Variants in LUZP2 observed in about 807,000 individuals in gnomAD.
LUZP2 encodes the protein leucine zipper protein 2.
LUZP2 carries 52 observed loss-of-function variants against 51.6 expected under a neutral mutation model. The ratio of observed to expected loss-of-function variants is 1.01; its 90% CI spans 0.81 to 1.27. The LOEUF (loss-of-function observed/expected upper bound fraction) is 1.27, where lower values mean the gene tolerates loss of function less well. Ranked by LOEUF, LUZP2 falls within the 50% of genes most tolerant of loss-of-function variation. LUZP2 has a pLI of 0.00. For synonymous variants in LUZP2, 154 were observed against 137.3 expected, an observed-to-expected ratio of 1.12 and a Z score of -0.85; for missense variants, 436 against 395.4, an observed-to-expected ratio of 1.10 and a Z score of -0.87.
At chr11:24,556,338 G>A (rs559567902) in intron 1 of LUZP2, among the ~76,000 whole-genome samples, 4 of 152,214 alleles carry the variant, frequency 2.6e-5, no homozygotes, top group Non-Finnish European at 4.4e-5. Context: ...GTAAAACTGT[G>A]TCATAAAGGA....
intron 9 of LUZP2, among the ~76,000 whole-genome samples, chr11:25,000,643 G>A (rs1455189465): frequency 1.3e-5 from 2 of 152,192 alleles, no homozygotes; most frequent in Admixed American, 1.3e-4. Flanking sequence ...CAACTCCAGA[G>A]GTTGGTATAA....
At chr11:24,988,086 C>G (rs1856237844) in intron 9 of LUZP2, among the ~76,000 whole-genome samples, 1 of 152,076 alleles carries the variant, frequency 6.6e-6, no homozygotes, top group East Asian at 1.9e-4. Flanking sequence ...CTCTCTACTT[C>G]TCTGCTTCTA....
intron 1 of LUZP2, among the ~76,000 whole-genome samples, chr11:24,601,166 A>C (rs1162225127): frequency 1.3e-5 from 2 of 152,060 alleles, no homozygotes; most frequent in African/African-American, 4.8e-5. Flanking sequence ...GAGGGGTACA[A>C]ATATCAAAGA....
At chr11:24,613,451 G>A (rs1294778966) in intron 1 of LUZP2, among the ~76,000 whole-genome samples, 1 of 151,900 alleles carries the variant, frequency 6.6e-6, no homozygotes, top group African/African-American at 2.4e-5. Flanking sequence ...ACAAAATAAT[G>A]AGCATATGTA....
At chr11:24,812,126 T>C (rs1031053573) in intron 5 of LUZP2, among the ~76,000 whole-genome samples, 1 of 152,194 alleles carries the variant, frequency 6.6e-6, no homozygotes, top group African/African-American at 2.4e-5. Flanking sequence ...ACCGTTTCCC[T>C]ATGGCATTTG....
At chr11:24,582,828 T>C (rs1852919261) in intron 1 of LUZP2, among the ~76,000 whole-genome samples, 1 of 152,156 alleles carries the variant, frequency 6.6e-6, no homozygotes, top group African/African-American at 2.4e-5. Flanking sequence ...TCATCTTGTA[T>C]GAAGAGTTAT....
chr11:24,905,649 A>T (rs911039761), intron 5 of LUZP2, among the ~76,000 whole-genome samples: 26 of 152,224 alleles, frequency 1.7e-4, no homozygotes, highest in African/African-American at 6.3e-4. Context: ...AAAGTTCTCC[A>T]GTATAGACTG....
In LUZP2 at chr11:24,609,563, T is replaced by C. The variant is rs373201604; in HGVS notation, c.62+112258T>C. Among the ~76,000 whole-genome samples, 6 of 151,894 alleles carry C rather than the reference T, an allele frequency of 4.0e-5. No individual in the cohort carries two copies. In the South Asian group the frequency reaches 8.3e-4, roughly 21 times the overall value. ...CAACATAGTGAAAAAACCCTGTCTCTACTAAAAATACAAACAATTAGTGGG... is the reference window on the plus strand; with the variant it reads ...CAACATAGTGAAAAAACCCTGTCTCCACTAAAAATACAAACAATTAGTGGG... On this transcript the variant is annotated intron_variant, in intron 1 of 11. Coordinates refer to ENST00000336930, the MANE Select transcript of LUZP2 (RefSeq NM_001009909.4).
chr11:24,818,890 A>T (rs1032381134), intron 5 of LUZP2, among the ~76,000 whole-genome samples: 1 of 152,022 alleles, frequency 6.6e-6, no homozygotes, highest in Non-Finnish European at 1.5e-5. Context: ...GTTTGCACAG[A>T]CCAAAAGCCA....
chr11:24,827,278 C>T (rs2631506), intron 5 of LUZP2, among the ~76,000 whole-genome samples: 113,159 of 152,048 alleles, frequency 0.74, 42,990 homozygotes, highest in Middle Eastern at 0.85. Flanking sequence ...AGGGGTTATC[C>T]CTAGGAACAA....
chr11:24,627,330 T>A (rs926940803), intron 1 of LUZP2, among the ~76,000 whole-genome samples: 1 of 152,050 alleles, frequency 6.6e-6, no homozygotes, highest in Non-Finnish European at 1.5e-5. Context: ...AAGAGAAGGT[T>A]TTTCAGCTAT....
chr11:24,882,924 G>T (rs2134299600), intron 5 of LUZP2, among the ~76,000 whole-genome samples: 2 of 140,510 alleles, frequency 1.4e-5, no homozygotes, highest in African/African-American at 5.4e-5. Flanking sequence ...AAGAAAGAAA[G>T]AACGAAAGAA....
At chr11:24,772,922 CTA>C (rs903833040) in intron 5 of LUZP2, among the ~76,000 whole-genome samples, 2 of 152,190 alleles carry the variant, frequency 1.3e-5, no homozygotes, top group Admixed American at 1.3e-4. Flanking sequence ...TGAACCCACT[CTA>C]ATCCAGTATG....
At chr11:24,612,654 A>G (rs552956622) in intron 1 of LUZP2, among the ~76,000 whole-genome samples, 26 of 152,258 alleles carry the variant, frequency 1.7e-4, no homozygotes, top group African/African-American at 6.0e-4. Flanking sequence ...TTAGCAGAAT[A>G]TAAATAGATG....
chr11:24,810,000 C>T (rs967214454), intron 5 of LUZP2, among the ~76,000 whole-genome samples: 2 of 152,084 alleles, frequency 1.3e-5, no homozygotes, highest in Non-Finnish European at 2.9e-5. Context: ...GGTGTGTTTT[C>T]CCCACTAAAG....
chr11:24,695,186 T>C (rs1275642598), intron 1 of LUZP2, among the ~76,000 whole-genome samples: 2 of 152,138 alleles, frequency 1.3e-5, no homozygotes, highest in Non-Finnish European at 2.9e-5. Flanking sequence ...CAAGCCATTG[T>C]TATATCAATT....
chr11:24,809,779 T>G (rs1849964198), intron 5 of LUZP2, among the ~76,000 whole-genome samples: 1 of 152,150 alleles, frequency 6.6e-6, no homozygotes, highest in Admixed American at 6.6e-5. Flanking sequence ...TGTGTTACAT[T>G]GTGTTACATT....
chr11:24,568,181 G>A (rs1273217895), intron 1 of LUZP2, among the ~76,000 whole-genome samples: 4 of 152,008 alleles, frequency 2.6e-5, no homozygotes, highest in Non-Finnish European at 4.4e-5. Flanking sequence ...CCAAGATGGC[G>A]AAACCCTGTC....
At chr11:24,766,844 C>T (rs554666367) in intron 5 of LUZP2, among the ~76,000 whole-genome samples, 1 of 152,210 alleles carries the variant, frequency 6.6e-6, no homozygotes, top group Non-Finnish European at 1.5e-5. Flanking sequence ...TCACTGCAAC[C>T]TCCACCTCTT....
Sources: gnomAD v4.1 joint callset for allele counts (sites outside exome capture counted in the v4.1 genomes callset) on GRCh38, gnomAD v4.1.1 for gene constraint, MANE v1.5 for transcripts, NCBI Gene and HGNC (gene_info 2026-07-23, HGNC 2026-07-21) for gene names.